BORCS8: variants seen among roughly 807,000 people sequenced by gnomAD.
BORCS8 encodes the protein BLOC-1-related complex subunit 8.
Under a neutral mutation model 18.7 loss-of-function variants are expected in BORCS8, and 13 were observed. The ratio of observed to expected loss-of-function variants is 0.70; its 90% CI spans 0.45 to 1.11. BORCS8 has a LOEUF of 1.11. BORCS8 is among the 50% of genes least tolerant of loss of function. The pLI is 0.00. For missense variants in BORCS8, 165 were observed against 165.7 expected (o/e 1.00, Z 0.02); for synonymous variants, 68 against 64.8 (o/e 1.05, Z -0.24).
chr19:19,181,821 A>G (rs2060351893), intron 4 of BORCS8: 1 of 980,776 alleles, frequency 1.0e-6, no homozygotes, highest in Non-Finnish European at 1.2e-6. Context: ...CCAGAACCCC[A>G]ATCTGTGGGA....
At chr19:19,179,578 CCATGGCA>C (rs2060330510) in intron 5 of BORCS8, 1 of 152,698 alleles carries the variant, frequency 6.5e-6, no homozygotes, top group Non-Finnish European at 1.5e-5. Context: ...GAGAGGGCTT[CCATGGCA>C]CATGGCACCG....
chr19:19,182,354 C>T lies in BORCS8; in HGVS notation c.326+219G>A. The T allele has an allele frequency of 7.9e-7, 1 of 1,267,710 alleles. No homozygotes were observed. The highest frequency in any genetic ancestry group is 1.0e-6 in the Non-Finnish European group (1 of 977,028). 78.5% of individuals were successfully genotyped at this position (1,267,710 alleles called of 1,614,324 possible). A position where few individuals can be genotyped will look rare whatever the true frequency, so the allele number is the denominator to read the frequency against. ...CTCGGTCACTGCTATGTCCCCAGTG[C>T]CCAGCCCAGGGCCAGGCACACAGCA... is the stretch of plus-strand genomic sequence containing the variant. On this transcript the variant is annotated intron_variant, in intron 4 of 5. Transcript: ENST00000462790. The surrounding 1 kb of genome is among the most constrained non-coding windows in gnomAD (Gnocchi z 4.1).
intron 1 of BORCS8, among the ~76,000 whole-genome samples, chr19:19,187,836 C>T (rs1445092215): frequency 6.8e-6 from 1 of 147,290 alleles, no homozygotes; most frequent in Non-Finnish European, 1.5e-5. Flanking sequence ...CGCGCCTGGC[C>T]AGCTTGATTG....
chr19:19,190,352 G>C (rs1337053114), intron 1 of BORCS8, among the ~76,000 whole-genome samples: 1 of 152,222 alleles, frequency 6.6e-6, no homozygotes, highest in African/African-American at 2.4e-5. Context: ...TGACTGCTCA[G>C]GAGAGAGAAC....
chr19:19,186,487 T>C, intron 2 of BORCS8, among the ~76,000 whole-genome samples: 1 of 152,172 alleles, frequency 6.6e-6, no homozygotes, highest in East Asian at 1.9e-4. Flanking sequence ...TAGAGGTGGT[T>C]CCCCTCATCC....
intron 4 of BORCS8, chr19:19,181,999 G>A: frequency 2.0e-6 from 2 of 985,402 alleles, no homozygotes; most frequent in South Asian, 4.7e-5. Context: ...CAGACCCCTG[G>A]TCCTGGGCTT....
At chr19:19,185,937 G>T (rs759890181) in intron 3 of BORCS8, 97 bp downstream of exon 3, 37 of 1,267,538 alleles carry the variant, frequency 2.9e-5, no homozygotes, top group Non-Finnish European at 3.8e-5. Context: ...GCCTGGCAGG[G>T]TGGGGCTTAC....
chr19:19,182,554 G>A lies in BORCS8; in HGVS notation c.326+19C>T, dbSNP rs1309322816. 23 of 1,547,254 alleles carry A rather than the reference G, an allele frequency of 1.5e-5. No individual in the cohort carries two copies. The highest frequency in any genetic ancestry group is 4.8e-5 in the South Asian group (4 of 83,922). On this transcript the variant is annotated intron_variant, in intron 4 of 5. Coordinates refer to ENST00000462790, the MANE Select transcript of BORCS8 (RefSeq NM_001145784.2). This position sits in a 1 kb window ranked among gnomAD's most constrained non-coding sequence, Gnocchi z 4.1. ...TGCAGCTGGGAGTGGCAGTGGGGGC[G>A]GGCGGTCCCAGGAGCTACCTGTGGC... is the stretch of plus-strand genomic sequence containing the variant.
chr19:19,185,252 T>C (rs2060394532), intron 3 of BORCS8, among the ~76,000 whole-genome samples: 1 of 152,182 alleles, frequency 6.6e-6, no homozygotes, highest in Non-Finnish European at 1.5e-5. Flanking sequence ...CCACAGCCCA[T>C]GTCAGGTGCA....
intron 4 of BORCS8, chr19:19,181,795 G>A: frequency 3.3e-6 from 3 of 916,752 alleles, no homozygotes; most frequent in Non-Finnish European, 3.9e-6. Flanking sequence ...CTTTTGCCCA[G>A]TGGGGGACAG....
At chr19:19,191,322 A>C (rs2060472695) in intron 1 of BORCS8, among the ~76,000 whole-genome samples, 1 of 147,298 alleles carries the variant, frequency 6.8e-6, no homozygotes, top group African/African-American at 2.5e-5. Flanking sequence ...GACTCCGTCA[A>C]AAAAAAAAAA....
chr19:19,177,781 G>A (rs1021883514), intron 5 of BORCS8: 3 of 175,934 alleles, frequency 1.7e-5, no homozygotes, highest in African/African-American at 2.4e-5. Context: ...GAGACCCAGA[G>A]AGGGCCAGCA....
In BORCS8 at chr19:19,180,752, T is replaced by C; in HGVS notation, c.336A>G (p.Glu112=). The C allele has an allele frequency of 6.5e-7, 1 of 1,548,810 alleles. No homozygotes were observed. Among genetic ancestry groups the C allele is most frequent in the Non-Finnish European group, 8.7e-7 (1 of 1,145,934 alleles). ...ATCAGGCTGAGGAGGGCGGGGGTGG[T>C]TCCTCCGGGCTGCAACAAAACATGT... The part of the protein sequence containing the change: ...NASAQGHSPE[E]PPPPSSA Residue 112 remains glutamate, a synonymous_variant, in exon 5 of 6, where the codon GAA becomes GAG. Coordinates refer to ENST00000462790, the MANE Select transcript of BORCS8 (RefSeq NM_001145784.2).
In BORCS8 at chr19:19,182,365, G is replaced by A; in HGVS notation, c.326+208C>T. On this transcript the variant is annotated intron_variant, in intron 4 of 5. Transcript: ENST00000462790. The surrounding 1 kb of genome is among the most constrained non-coding windows in gnomAD (Gnocchi z 4.1). ...CTATGTCCCCAGTGCCCAGCCCAGGGCCAGGCACACAGCAGAGCGCAGGAC... is the reference window on the plus strand; with the variant it reads ...CTATGTCCCCAGTGCCCAGCCCAGGACCAGGCACACAGCAGAGCGCAGGAC... 1 of 1,324,688 alleles carries A rather than the reference G, an allele frequency of 7.5e-7. No homozygotes were observed. Among genetic ancestry groups the A allele is most frequent in the Non-Finnish European group, 9.8e-7 (1 of 1,021,910 alleles). 82.1% of individuals were successfully genotyped at this position (1,324,688 alleles called of 1,614,324 possible). A position where few individuals can be genotyped will look rare whatever the true frequency, so the allele number is the denominator to read the frequency against.
chr19:19,181,924 AAAG>A (rs1483889744), intron 4 of BORCS8: 25 of 985,362 alleles, frequency 2.5e-5, no homozygotes, highest in Non-Finnish European at 2.3e-5. Flanking sequence ...ACAAAAACAA[AAAG>A]AAGGGCTACT....
chr19:19,191,191 A>G (rs910617392), intron 1 of BORCS8, among the ~76,000 whole-genome samples: 1 of 152,106 alleles, frequency 6.6e-6, no homozygotes, highest in East Asian at 1.9e-4. Context: ...CGTCTCTACT[A>G]AAAATACAAA....
chr19:19,191,491 CAAAAA>C (rs34145724), intron 1 of BORCS8, among the ~76,000 whole-genome samples: 6 of 86,012 alleles, frequency 7.0e-5, no homozygotes, highest in Admixed American at 2.3e-4. Flanking sequence ...TACCTTGTCT[CAAAAA>C]AAAAAAAAAA....
chr19:19,189,774 G>A (rs950834845), intron 1 of BORCS8, among the ~76,000 whole-genome samples: 1 of 152,052 alleles, frequency 6.6e-6, no homozygotes, highest in East Asian at 1.9e-4. Flanking sequence ...AAAATAAGCT[G>A]GTCATGGTGA....
intron 2 of BORCS8, 56 bp downstream of exon 2, chr19:19,186,837 C>A (rs530361103): frequency 1.5e-6 from 2 of 1,313,780 alleles, no homozygotes; most frequent in African/African-American, 1.5e-5. Context: ...TGCTGGTGTC[C>A]CAGCCTTGAC....
Sources: gnomAD v4.1 joint callset for allele counts (sites outside exome capture counted in the v4.1 genomes callset) on GRCh38, gnomAD v4.1.1 for gene constraint, Gnocchi (gnomAD v3.1) non-coding constraint, MANE v1.5 for transcripts, NCBI Gene and HGNC (gene_info 2026-07-23, HGNC 2026-07-21) for gene names.